The following GLI3 variants were observed in gnomAD, a reference collection of about 807,000 sequenced individuals.
GLI3 encodes the protein GLI family zinc finger 3, also known as transcription activator GLI3.
Under a neutral mutation model 100.8 loss-of-function variants are expected in GLI3, and 20 were observed. The observed-to-expected ratio is 0.20, with a 90% CI of 0.14 to 0.29. The LOEUF is 0.29. Ranked by LOEUF, GLI3 falls within the 10% of genes least tolerant of loss-of-function variation. The probability of loss-of-function intolerance (pLI) is 1.00; values close to 1 mark genes in which losing one functional copy is unlikely to be tolerated. For missense variants in GLI3, 2,040 were observed against 2,128.5 expected (o/e 0.96, Z 0.82); for synonymous variants, 938 against 860.5 (o/e 1.09, Z -1.58).
At chr7:41,988,166 A>G (rs1787881083) in intron 10 of GLI3, among the ~76,000 whole-genome samples, 1 of 152,230 alleles carries the variant, frequency 6.6e-6, no homozygotes, top group Admixed American at 6.5e-5. Context: ...GGGTGTATTA[A>G]GAGATGGGGC....
chr7:42,087,714 C>CTT lies in GLI3; in HGVS notation c.368-10859_368-10858dup, dbSNP rs10574635. On this transcript the variant is annotated intron_variant, in intron 3 of 14. Transcript: ENST00000395925. Reference sequence around the variant, plus strand: ...GCCCCTTTGCCCCCACCACCACCTACTTTTTTTTTTTTTTTCATCAATAAC... The same window carrying CTT: ...GCCCCTTTGCCCCCACCACCACCTACTTTTTTTTTTTTTTTTTCATCAATAAC... Among the ~76,000 whole-genome samples, 252 of 145,822 alleles carry CTT rather than the reference C, an allele frequency of 1.7e-3. 1 individual carries two copies. Among genetic ancestry groups the CTT allele is most frequent in the South Asian group, 2.6e-3 (12 of 4,558 alleles).
chr7:42,126,051 A>G (rs907189023), intron 3 of GLI3, among the ~76,000 whole-genome samples: 1 of 152,132 alleles, frequency 6.6e-6, no homozygotes, highest in African/African-American at 2.4e-5. Flanking sequence ...ATTTTTTTAA[A>G]AAAATGAGAG....
At chr7:42,112,220 GA>G (rs1379307611) in intron 3 of GLI3, among the ~76,000 whole-genome samples, 2 of 152,172 alleles carry the variant, frequency 1.3e-5, no homozygotes, top group African/African-American at 4.8e-5. Flanking sequence ...CTGGGCCCCA[GA>G]AGACTGTGTC....
intron 10 of GLI3, among the ~76,000 whole-genome samples, chr7:41,999,126 G>T (rs1050989912): frequency 6.6e-6 from 1 of 152,122 alleles, no homozygotes; most frequent in Non-Finnish European, 1.5e-5. Flanking sequence ...AGGACATTAC[G>T]CCATGATAGG....
At chr7:42,194,397 C>G (rs143043732) in intron 2 of GLI3, among the ~76,000 whole-genome samples, 1 of 152,202 alleles carries the variant, frequency 6.6e-6, no homozygotes, top group African/African-American at 2.4e-5. Context: ...TATCTGCTTT[C>G]GGCATTGTTG....
rs116427071 is a variant in GLI3, at chr7:41,972,092, T to C, written c.2103+245A>G. On this transcript the variant is annotated intron_variant, in intron 13 of 14. Coordinates refer to ENST00000395925, the MANE Select transcript of GLI3 (RefSeq NM_000168.6). This position sits in a 1 kb window ranked among gnomAD's most constrained non-coding sequence, Gnocchi z 4.4. The stretch of plus-strand genomic sequence containing the variant: ...CTGGAGAGACAGACAGTCGTGTCTT[T>C]CTTCCTTCCATGGCACAGTGGTATG... Among the ~76,000 whole-genome samples, 436 of 152,340 alleles carry C rather than the reference T, an allele frequency of 2.9e-3. 2 individuals are homozygous for C. Among genetic ancestry groups the C allele is most frequent in the African/African-American group, 0.01 (421 of 41,576 alleles).
At chr7:42,101,642 C>T (rs1785464027) in intron 3 of GLI3, among the ~76,000 whole-genome samples, 1 of 150,048 alleles carries the variant, frequency 6.7e-6, no homozygotes, top group African/African-American at 2.5e-5. Context: ...CTTTAATATG[C>T]TGCTGAATTT....
At chr7:42,188,479 AC>A (rs1787763715) in intron 2 of GLI3, among the ~76,000 whole-genome samples, 1 of 152,256 alleles carries the variant, frequency 6.6e-6, no homozygotes, top group East Asian at 1.9e-4. Context: ...AGAGATAGGA[AC>A]AAAAAATCAG....
At chr7:42,115,751 G>T (rs1785837017) in intron 3 of GLI3, among the ~76,000 whole-genome samples, 1 of 152,142 alleles carries the variant, frequency 6.6e-6, no homozygotes, top group Admixed American at 6.5e-5. Flanking sequence ...TTATTTTAAG[G>T]TGGTCACAGG....
At chr7:42,238,003 G>GCCTCCTCCTCCT (rs1197149389), upstream of GLI3, 30 of 141,070 alleles carry the variant, frequency 2.1e-4, no homozygotes, top group Admixed American at 4.9e-4. Context: ...CGCCGCCGCC[G>GCCTCCTCCTCCT]CCTCCTCCTC....
intron 2 of GLI3, among the ~76,000 whole-genome samples, chr7:42,206,211 T>C (rs982610501): frequency 2.0e-5 from 3 of 151,974 alleles, no homozygotes; most frequent in Non-Finnish European, 4.4e-5. Context: ...GAGGTTGCAG[T>C]GAGCCAAGAT....
At chr7:42,258,225 G>A (rs1231751834) in intron 1 of GLI3, among the ~76,000 whole-genome samples, 1 of 152,010 alleles carries the variant, frequency 6.6e-6, no homozygotes, top group Non-Finnish European at 1.5e-5. Context: ...GGATATCCAG[G>A]GCACCATTAT....
intron 3 of GLI3, among the ~76,000 whole-genome samples, chr7:42,143,134 C>T (rs1786613266): frequency 6.6e-6 from 1 of 152,166 alleles, no homozygotes; most frequent in South Asian, 2.1e-4. Context: ...TCTCCTCACT[C>T]CAGCTCTTAC....
At chr7:42,240,458 T>C (rs962230773), upstream of GLI3, among the ~76,000 whole-genome samples, 1 of 152,118 alleles carries the variant, frequency 6.6e-6, no homozygotes, top group Non-Finnish European at 1.5e-5. Flanking sequence ...AAGTAAGGTG[T>C]CTTGCAGGGC....
upstream of GLI3, among the ~76,000 whole-genome samples, chr7:42,241,560 G>A (rs1788925052): frequency 1.3e-5 from 2 of 152,232 alleles, no homozygotes; most frequent in Admixed American, 1.3e-4. Context: ...TGACTGGCCA[G>A]CTGCCAGGAA....
In GLI3 at chr7:42,078,253, T is replaced by C. The variant is rs138359924; in HGVS notation, c.368-1396A>G. Among the ~76,000 whole-genome samples, 10 of 152,362 alleles carry C rather than the reference T, an allele frequency of 6.6e-5. No homozygotes were observed. In the East Asian group the frequency reaches 1.5e-3, roughly 24 times the overall value. On this transcript the variant is annotated intron_variant, in intron 3 of 14. Transcript: ENST00000395925. ...TGGTTTTGATTTTCTTCCCTACCCA[T>C]TTCTCTATTTTCCAAATTTTCTTCA...
chr7:42,181,321 C>T (rs1562775009), intron 2 of GLI3, among the ~76,000 whole-genome samples: 1 of 152,168 alleles, frequency 6.6e-6, no homozygotes, highest in Non-Finnish European at 1.5e-5. Flanking sequence ...AATTTCCAGG[C>T]TAGGCGCGGT....
chr7:42,156,277 G>A (rs1002937331), intron 2 of GLI3, among the ~76,000 whole-genome samples: 2 of 152,168 alleles, frequency 1.3e-5, no homozygotes, highest in East Asian at 1.9e-4. Context: ...CTAAAACAAC[G>A]TCATGGAGCT....
chr7:42,098,543 C>A (rs1785390966), intron 3 of GLI3, among the ~76,000 whole-genome samples: 1 of 152,148 alleles, frequency 6.6e-6, no homozygotes, highest in Non-Finnish European at 1.5e-5. Flanking sequence ...CTCTGAACAT[C>A]CATTTTCTCA....
Sources: gnomAD v4.1 joint callset for allele counts (sites outside exome capture counted in the v4.1 genomes callset) on GRCh38, gnomAD v4.1.1 for gene constraint, Gnocchi (gnomAD v3.1) non-coding constraint, MANE v1.5 for transcripts, NCBI Gene and HGNC (gene_info 2026-07-23, HGNC 2026-07-21) for gene names.